Variants in OR7C1 observed in about 807,000 individuals in gnomAD.
OR7C1 encodes the protein olfactory receptor 7C1.
For synonymous variants in OR7C1, 152 were observed against 160.7 expected (o/e 0.95, Z 0.41); for missense variants, 324 against 383.3 (o/e 0.85, Z 1.29).
chr19:14,801,725 G>A (rs899844758), intron 2 of OR7C1, among the ~76,000 whole-genome samples: 2 of 152,188 alleles, frequency 1.3e-5, no homozygotes, highest in Admixed American at 6.5e-5. Context: ...GACTTGGGAG[G>A]CCTCAGGAAA....
intron 1 of OR7C1, chr19:14,824,463 G>A (rs562888296): frequency 1.4e-4 from 21 of 152,260 alleles, no homozygotes; most frequent in South Asian, 4.1e-4. Flanking sequence ...ACTTATAAGC[G>A]AGAACATGAA....
At chr19:14,808,988 G>T (rs1380903545) in intron 2 of OR7C1, among the ~76,000 whole-genome samples, 1 of 151,834 alleles carries the variant, frequency 6.6e-6, no homozygotes, top group Admixed American at 6.6e-5. Context: ...ATACATTTAA[G>T]ATATTTTTCT....
chr19:14,808,899 A>G (rs1054588211), intron 2 of OR7C1, among the ~76,000 whole-genome samples: 7 of 152,122 alleles, frequency 4.6e-5, no homozygotes, highest in South Asian at 4.1e-4. Flanking sequence ...GGTGAAATAT[A>G]TTTTGATTAC....
chr19:14,798,968 AT>A (rs2044624654), exon 5 of OR7C1: 1 of 514,354 alleles, frequency 1.9e-6, no homozygotes, highest in African/African-American at 2.0e-5. Flanking sequence ...TAGAAAAGAA[AT>A]GATTTTGAGG....
chr19:14,814,131 A>G (rs533462594), intron 1 of OR7C1, among the ~76,000 whole-genome samples: 57 of 150,446 alleles, frequency 3.8e-4, no homozygotes, highest in African/African-American at 1.4e-3. Flanking sequence ...ATTTTTGGGA[A>G]ATGACCCCAG....
chr19:14,828,220 G>T (rs747021255), intron 1 of OR7C1: 5 of 1,612,160 alleles, frequency 3.1e-6, no homozygotes, highest in Non-Finnish European at 4.2e-6. Flanking sequence ...TCTGAAATTT[G>T]TGTATCATTT....
At chr19:14,807,095 T>C (rs566982968) in intron 2 of OR7C1, among the ~76,000 whole-genome samples, 70 of 152,138 alleles carry the variant, frequency 4.6e-4, no homozygotes, top group African/African-American at 1.7e-3. Context: ...CATGAGATGG[T>C]ATCTCATTGT....
In OR7C1 at chr19:14,799,302, T is replaced by C. The variant is rs550739837; in HGVS notation, c.835A>G (p.Thr279Ala). Residue 279 changes from threonine to alanine, a missense_variant, in exon 5 of 5, where the codon ACC becomes GCC. By Grantham distance (58) the Thr-to-Ala change is moderately conservative. Transcript: ENST00000641666. Reference sequence around the variant, plus strand: ...GGGTTCAGCATGGGGGTGACCATGGTGTACATCACTGAGGCCACCAGACTT... The same window carrying C: ...GGGTTCAGCATGGGGGTGACCATGGCGTACATCACTGAGGCCACCAGACTT... 1.1e-5 allele frequency: 18 copies of C among 1,613,984 alleles called. No individual in the cohort carries two copies. The East Asian group carries it at 3.8e-4, about 34-fold the overall frequency.
chr19:14,828,629 T>C (rs1204926987), intron 1 of OR7C1, among the ~76,000 whole-genome samples: 1 of 151,706 alleles, frequency 6.6e-6, no homozygotes, highest in Non-Finnish European at 1.5e-5. Context: ...TGTAGTGGCA[T>C]GCGCCTGTAG....
chr19:14,826,876 G>A (rs1459967916), intron 1 of OR7C1: 1 of 157,096 alleles, frequency 6.4e-6, no homozygotes, highest in Non-Finnish European at 1.4e-5. Context: ...ATTGAAGGTA[G>A]AGACAGACAT....
chr19:14,828,434 T>C lies in OR7C1; in HGVS notation c.-623+6640A>G, dbSNP rs117611282. On this transcript the variant is annotated intron_variant, in intron 1 of 4. Transcript: ENST00000641666. ...TAGGAACTCCTTCCCACTCTCAGCC[T>C]TAACTGAAGACAGCGTACATTCTGC... 4.4e-3 allele frequency: 2,927 copies of C among 662,238 alleles called. 19 individuals carry two copies. The highest frequency in any genetic ancestry group is 6.3e-3 in the Non-Finnish European group (2,469 of 391,414). The allele number at this position is 662,238 out of a possible 1,614,324, so 41.0% of individuals were successfully genotyped here.
At chr19:14,808,112 A>T (rs1160172909) in intron 2 of OR7C1, among the ~76,000 whole-genome samples, 1 of 146,840 alleles carries the variant, frequency 6.8e-6, no homozygotes, top group Admixed American at 6.7e-5. Context: ...AAAAAAAAAA[A>T]ACAACAACAG....
intron 2 of OR7C1, among the ~76,000 whole-genome samples, chr19:14,808,137 G>A (rs2044674674): frequency 6.6e-6 from 1 of 151,522 alleles, no homozygotes; most frequent in East Asian, 1.9e-4. Context: ...TGGTGAGGAT[G>A]CAGAGAAAAG....
At chr19:14,814,057 G>A (rs1390052938) in intron 1 of OR7C1, among the ~76,000 whole-genome samples, 1 of 152,012 alleles carries the variant, frequency 6.6e-6, no homozygotes, top group Non-Finnish European at 1.5e-5. Context: ...CATTAGACCT[G>A]AAACTATAGA....
At chr19:14,815,127 C>T (rs1375072793) in intron 1 of OR7C1, among the ~76,000 whole-genome samples, 1 of 152,194 alleles carries the variant, frequency 6.6e-6, no homozygotes, top group African/African-American at 2.4e-5. Context: ...TGACCCCCAG[C>T]CCCTATTCCA....
intron 1 of OR7C1, among the ~76,000 whole-genome samples, chr19:14,820,793 G>T (rs1364920767): frequency 6.6e-6 from 1 of 152,210 alleles, no homozygotes; most frequent in Non-Finnish European, 1.5e-5. Context: ...CTAAAGTATG[G>T]TCTGGGGAGG....
intron 2 of OR7C1, among the ~76,000 whole-genome samples, chr19:14,807,904 AAAC>A (rs1001915652): frequency 6.6e-6 from 1 of 151,722 alleles, no homozygotes; most frequent in Non-Finnish European, 1.5e-5. Context: ...TCAAAAAAAA[AAAC>A]AAACAAACAG....
At chr19:14,802,857 C>T (rs147239941) in intron 2 of OR7C1, among the ~76,000 whole-genome samples, 15 of 152,176 alleles carry the variant, frequency 9.9e-5, no homozygotes, top group East Asian at 7.7e-4. Flanking sequence ...AAATTGAGTA[C>T]GCAGACACCC....
At chr19:14,830,857 A>C (rs546351737) in intron 1 of OR7C1, among the ~76,000 whole-genome samples, 1 of 152,244 alleles carries the variant, frequency 6.6e-6, no homozygotes, top group African/African-American at 2.4e-5. Context: ...AATGACTCAC[A>C]ATCTTCCTGC....
Sources: gnomAD v4.1 joint callset for allele counts (sites outside exome capture counted in the v4.1 genomes callset) on GRCh38, gnomAD v4.1.1 for gene constraint, MANE v1.5 for transcripts, NCBI Gene and HGNC (gene_info 2026-07-23, HGNC 2026-07-21) for gene names.